Variants in SLC25A21 observed in about 807,000 individuals in gnomAD.
The protein encoded by SLC25A21 is mitochondrial 2-oxodicarboxylate carrier.
In SLC25A21, 47 loss-of-function variants were observed where a neutral mutation model predicts 43.8. That is an observed-to-expected ratio of 1.07 (90% CI 0.85 to 1.37). The LOEUF (loss-of-function observed/expected upper bound fraction) is 1.37, where lower values mean the gene tolerates loss of function less well. Among genes scored for constraint, SLC25A21 ranks in the 40% most tolerant of loss-of-function variants. The pLI is 0.00. For synonymous variants in SLC25A21, 131 were observed against 121.3 expected (o/e 1.08, Z -0.52); for missense variants, 352 against 350.2 (o/e 1.00, Z -0.04).
rs376509430 is a variant in SLC25A21, at chr14:36,840,365, G to T, written c.120-26364C>A. On this transcript the variant is annotated intron_variant, in intron 2 of 9. Coordinates refer to ENST00000331299, the MANE Select transcript of SLC25A21 (RefSeq NM_030631.4). ...GTTTATTTCAACCACAAATATATTT[G>T]TCCTTATCTTTTGAATGAATTGTTT... 2.0e-4 allele frequency among the ~76,000 whole-genome samples: 31 copies of T among 152,260 alleles called. No homozygotes were observed. The East Asian group carries it at 4.0e-3, about 20-fold the overall frequency.
At chr14:37,026,046 G>A (rs74045254) in intron 1 of SLC25A21, among the ~76,000 whole-genome samples, 7,564 of 152,054 alleles carry the variant, frequency 0.05, 605 homozygotes, top group African/African-American at 0.17. Context: ...AGGAAAGCAC[G>A]CAGAAGATAC....
At chr14:36,864,349 G>A (rs1315873154) in intron 2 of SLC25A21, among the ~76,000 whole-genome samples, 1 of 152,112 alleles carries the variant, frequency 6.6e-6, no homozygotes, top group Non-Finnish European at 1.5e-5. Context: ...GTGGAGCCTG[G>A]CCAACTGGCA....
chr14:37,110,091 A>C (rs753645713), intron 1 of SLC25A21, among the ~76,000 whole-genome samples: 3 of 152,236 alleles, frequency 2.0e-5, no homozygotes, highest in African/African-American at 4.8e-5. Context: ...CATAAAGAAC[A>C]GTTTCATACT....
At chr14:36,815,189 G>C (rs1888412854) in intron 2 of SLC25A21, among the ~76,000 whole-genome samples, 1 of 152,146 alleles carries the variant, frequency 6.6e-6, no homozygotes, top group Admixed American at 6.5e-5. Flanking sequence ...GGAAAGGGGA[G>C]AGAAAGCATT....
At chr14:37,060,496 C>T (rs1269351138) in intron 1 of SLC25A21, among the ~76,000 whole-genome samples, 1 of 151,226 alleles carries the variant, frequency 6.6e-6, no homozygotes, top group Non-Finnish European at 1.5e-5. Context: ...AAACACTCAT[C>T]CAGGAATTGG....
chr14:36,810,359 G>A (rs1407854422), intron 3 of SLC25A21, among the ~76,000 whole-genome samples: 3 of 152,226 alleles, frequency 2.0e-5, no homozygotes, highest in Non-Finnish European at 4.4e-5. Flanking sequence ...GAACTGCCAC[G>A]TTCAATTCAG....
chr14:36,887,238 A>G (rs1174727280), intron 1 of SLC25A21, among the ~76,000 whole-genome samples: 1 of 151,570 alleles, frequency 6.6e-6, no homozygotes, highest in Non-Finnish European at 1.5e-5. Flanking sequence ...ATATTCATTC[A>G]GAAAAAGTTT....
At chr14:37,160,534 G>A (rs1479451587) in intron 1 of SLC25A21, among the ~76,000 whole-genome samples, 1 of 152,164 alleles carries the variant, frequency 6.6e-6, no homozygotes, top group Non-Finnish European at 1.5e-5. Context: ...CATGGAAGTA[G>A]AGTAGAAAAA....
rs61293305 is a variant in SLC25A21 at position 37,160,962 on chromosome 14, G to C, written c.70+11319C>G. On this transcript the variant is annotated intron_variant, in intron 1 of 9. Transcript: ENST00000331299. ...GAAAGAAGGAGGAAGAGGAGGAGGA[G>C]GAGGAGAAAGAGGAAGGGGGTGGGG... Among the ~76,000 whole-genome samples, 1,951 of 121,034 alleles carry C rather than the reference G, an allele frequency of 0.016. 155 individuals carry two copies. In the East Asian group the frequency reaches 0.29, roughly 18 times the overall value. 79.4% of individuals were successfully genotyped at this position (121,034 alleles called of 152,430 possible).
chr14:36,715,447 C>A (rs925784957), intron 6 of SLC25A21, among the ~76,000 whole-genome samples: 5 of 152,198 alleles, frequency 3.3e-5, no homozygotes, highest in Non-Finnish European at 5.9e-5. Context: ...AAAATGGTAA[C>A]TGATTAGCAT....
chr14:36,739,183 C>A (rs1885155602), intron 3 of SLC25A21, among the ~76,000 whole-genome samples: 1 of 152,126 alleles, frequency 6.6e-6, no homozygotes, highest in Non-Finnish European at 1.5e-5. Context: ...AAACAGGTCT[C>A]TATTCCAATT....
intron 1 of SLC25A21, among the ~76,000 whole-genome samples, chr14:37,106,747 T>C (rs1480594118): frequency 2.0e-5 from 1 of 49,054 alleles, no homozygotes; most frequent in African/African-American, 3.3e-5. Context: ...CCCTCCCCTT[T>C]TGAAACCCTT....
chr14:37,024,575 T>C (rs1259730597), intron 1 of SLC25A21, among the ~76,000 whole-genome samples: 1 of 152,058 alleles, frequency 6.6e-6, no homozygotes, highest in African/African-American at 2.4e-5. Context: ...ACGTTTACCC[T>C]TTGGGAGGAA....
chr14:37,143,957 G>C (rs1044050599), intron 1 of SLC25A21, among the ~76,000 whole-genome samples: 6 of 152,118 alleles, frequency 3.9e-5, no homozygotes, highest in Admixed American at 2.0e-4. Context: ...AGAATAAAAT[G>C]GGGGTTTTAG....
chr14:36,776,561 C>A (rs975296258), intron 3 of SLC25A21, among the ~76,000 whole-genome samples: 18 of 151,912 alleles, frequency 1.2e-4, no homozygotes, highest in African/African-American at 4.1e-4. Context: ...TTCTTTGTTC[C>A]TATAATCACT....
intron 1 of SLC25A21, among the ~76,000 whole-genome samples, chr14:36,956,157 G>A (rs574778170): frequency 1.2e-4 from 18 of 152,186 alleles, no homozygotes; most frequent in African/African-American, 2.4e-4. Flanking sequence ...GCTGAGCCTC[G>A]GAGTTAAGAG....
intron 3 of SLC25A21, among the ~76,000 whole-genome samples, chr14:36,777,872 T>C (rs988093766): frequency 1.3e-5 from 2 of 152,222 alleles, no homozygotes; most frequent in African/African-American, 4.8e-5. Context: ...ATGATTTTGT[T>C]CTGTTTAATT....
At chr14:36,984,541 G>A (rs1227573033) in intron 1 of SLC25A21, among the ~76,000 whole-genome samples, 1 of 143,592 alleles carries the variant, frequency 7.0e-6, no homozygotes, top group Non-Finnish European at 1.5e-5. Flanking sequence ...TCATTTGCTT[G>A]TTTAAATATT....
intron 1 of SLC25A21, among the ~76,000 whole-genome samples, chr14:36,964,456 T>C (rs1959567940): frequency 6.6e-6 from 1 of 152,202 alleles, no homozygotes; most frequent in Non-Finnish European, 1.5e-5. Context: ...AGTCAAACTA[T>C]GGAATCAGGA....
Sources: allele counts gnomAD v4.1 joint callset (sites outside exome capture counted in the v4.1 genomes callset), GRCh38; gene constraint gnomAD v4.1.1; transcripts MANE v1.5; gene names NCBI Gene and HGNC (gene_info 2026-07-23, HGNC 2026-07-21).